Variants in LARP4B observed in about 807,000 individuals in gnomAD.
The protein encoded by LARP4B is La ribonucleoprotein 4B.
LARP4B carries 12 observed loss-of-function variants against 89.8 expected under a neutral mutation model. The ratio of observed to expected loss-of-function variants is 0.13; its 90% CI spans 0.09 to 0.22. LARP4B has a LOEUF of 0.22. LARP4B is among the 10% of genes least tolerant of loss of function. The pLI, the probability that LARP4B is intolerant of heterozygous loss-of-function variation, is 1.00. For synonymous variants in LARP4B, 367 were observed against 363.3 expected, an observed-to-expected ratio of 1.01 and a Z score of -0.12; for missense variants, 757 against 947.7, an observed-to-expected ratio of 0.80 and a Z score of 2.64.
At chr10:919,633 C>T (rs888485551) in intron 1 of LARP4B, among the ~76,000 whole-genome samples, 2 of 152,144 alleles carry the variant, frequency 1.3e-5, no homozygotes, top group Non-Finnish European at 2.9e-5. Flanking sequence ...ACCACAGTTG[C>T]CTGAGGACAG....
chr10:836,315 CA>C (rs990398165), intron 8 of LARP4B, 87 bp downstream of exon 8: 5 of 932,322 alleles, frequency 5.4e-6, no homozygotes, highest in East Asian at 2.4e-5. Flanking sequence ...ACACACAGCC[CA>C]AAAAAACACA....
chr10:862,624 G>A (rs939203292), intron 5 of LARP4B, among the ~76,000 whole-genome samples: 3 of 152,142 alleles, frequency 2.0e-5, no homozygotes, highest in Non-Finnish European at 2.9e-5. Flanking sequence ...GCCGGGCGTG[G>A]TGGCAGACGC....
At chr10:845,119 T>C in intron 5 of LARP4B, 64 bp from the exon 6 acceptor site, 1 of 1,192,196 alleles carries the variant, frequency 8.4e-7, no homozygotes, top group South Asian at 1.3e-5. Flanking sequence ...GATAATTCAG[T>C]ACAGCAGTTC....
the LARP4B span, among the ~76,000 whole-genome samples, chr10:959,322 T>TTCAGCAATCCCACCTCC: frequency 2.7e-4 from 39 of 146,636 alleles, no homozygotes; most frequent in African/African-American, 9.1e-4. Flanking sequence ...TTCCTGCTGG[T>TTCAGCAATCCCACCTCC]TCAGCAATCC....
chr10:859,182 G>C (rs1426012694), intron 5 of LARP4B, among the ~76,000 whole-genome samples: 2 of 152,046 alleles, frequency 1.3e-5, no homozygotes, highest in Non-Finnish European at 2.9e-5. Flanking sequence ...GGGAGGCTGA[G>C]GCAGGAGAAT....
At chr10:864,888 G>T (rs1834818808) in intron 3 of LARP4B, among the ~76,000 whole-genome samples, 1 of 152,174 alleles carries the variant, frequency 6.6e-6, no homozygotes, top group African/African-American at 2.4e-5. Flanking sequence ...AGGAGGCGGG[G>T]GTTGCAGTAA....
intron 1 of LARP4B, among the ~76,000 whole-genome samples, chr10:907,326 C>G (rs1169589034): frequency 6.6e-6 from 1 of 152,080 alleles, no homozygotes; most frequent in Non-Finnish European, 1.5e-5. Flanking sequence ...GGGATGAGTC[C>G]AAAGAACGGC....
At chr10:920,560 G>A (rs375247073) in intron 1 of LARP4B, among the ~76,000 whole-genome samples, 1 of 152,112 alleles carries the variant, frequency 6.6e-6, no homozygotes, top group South Asian at 2.1e-4. Context: ...GATCACTTGA[G>A]GCCAGGAGTT....
intron 3 of LARP4B, among the ~76,000 whole-genome samples, chr10:868,928 C>CT (rs1835050353): frequency 6.6e-6 from 1 of 152,220 alleles, no homozygotes; most frequent in South Asian, 2.1e-4. Flanking sequence ...TCTTGCTACT[C>CT]TGAGTATGTG....
chr10:845,121 C>T (rs1833709109), intron 5 of LARP4B, 66 bp from the exon 6 acceptor site: 1 of 1,165,250 alleles, frequency 8.6e-7, no homozygotes, highest in East Asian at 2.4e-5. Context: ...TAATTCAGTA[C>T]AGCAGTTCTA....
chr10:918,632 CAAAAAAAA>C (rs57396015), intron 1 of LARP4B, among the ~76,000 whole-genome samples: 10 of 48,372 alleles, frequency 2.1e-4, no homozygotes, highest in African/African-American at 7.6e-4. Flanking sequence ...GACCCTGTCT[CAAAAAAAA>C]AAAAAAAAAA....
chr10:844,966 AC>A lies in LARP4B; in HGVS notation c.509+10del. 6.2e-7 allele frequency: 1 copy of A among 1,602,900 alleles called. No homozygotes were observed. The highest frequency in any genetic ancestry group is 8.5e-7 in the Non-Finnish European group (1 of 1,175,090). On this transcript the variant is annotated intron_variant, in intron 6 of 17. Transcript: ENST00000316157. ...AATATCAGGTACTAGAAAAACCACC[AC>A]CAGCCTTACCTAGATAAGCAGAATT... is the stretch of plus-strand genomic sequence containing the variant.
rs1293650648 is a variant in LARP4B at position 829,703 on chromosome 10, G to A, written c.893C>T (p.Thr298Ile). Reference sequence around the variant, plus strand: ...TACCTTAATTGGTTTTCCTTGAAAAGTTTTGACTTCTTCTCGAAGGTATTT... The same window carrying A: ...TACCTTAATTGGTTTTCCTTGAAAAATTTTGACTTCTTCTCGAAGGTATTT... ...AYKYLREEVK[T>I]FQGKPIKARI... Residue 298 changes from threonine (T) to isoleucine (I), a missense_variant, in exon 10 of 18, where the codon ACT (threonine) becomes ATT (isoleucine). Transcript: ENST00000316157. The A allele has an allele frequency of 2.5e-6, 4 of 1,612,786 alleles. 1 individual carries two copies. The highest frequency in any genetic ancestry group is 1.7e-6 in the Non-Finnish European group (2 of 1,178,998).
the LARP4B span, among the ~76,000 whole-genome samples, chr10:975,404 C>T: frequency 6.6e-6 from 1 of 152,246 alleles, no homozygotes; most frequent in African/African-American, 2.4e-5. Context: ...CTGTTGAATT[C>T]AGTTGCGATT....
At chr10:965,241 G>A in the LARP4B span, among the ~76,000 whole-genome samples, 6 of 152,318 alleles carry the variant, frequency 3.9e-5, no homozygotes, top group South Asian at 2.1e-4. Context: ...CTCGGCTGTC[G>A]GCGTCTCCCA....
intron 7 of LARP4B, among the ~76,000 whole-genome samples, chr10:837,950 A>C (rs1410488502): frequency 6.6e-6 from 1 of 151,692 alleles, no homozygotes; most frequent in Admixed American, 6.6e-5. Context: ...AAAAAAAAAA[A>C]CAGCTGTACA....
intron 1 of LARP4B, among the ~76,000 whole-genome samples, chr10:916,414 G>T (rs1836824005): frequency 6.6e-6 from 1 of 152,150 alleles, no homozygotes; most frequent in African/African-American, 2.4e-5. Flanking sequence ...ACAAGGTCTT[G>T]GCTGGGCGCG....
chr10:873,531 G>A (rs929985821), intron 3 of LARP4B: 1 of 458,256 alleles, frequency 2.2e-6, no homozygotes, highest in Admixed American at 6.4e-5. Context: ...TATTTCATGG[G>A]ATGGTGGTAA....
chr10:988,312 C>G, the LARP4B span: 1 of 629,896 alleles, frequency 1.6e-6, no homozygotes. Context: ...ACCTCCAAGC[C>G]GGGCGGGTGC....
Sources: allele counts gnomAD v4.1 joint callset (sites outside exome capture counted in the v4.1 genomes callset), GRCh38; gene constraint gnomAD v4.1.1; transcripts MANE v1.5; gene names NCBI Gene and HGNC (gene_info 2026-07-23, HGNC 2026-07-21).